The following PHACTR1 variants were observed in gnomAD, a reference collection of about 807,000 sequenced individuals.
PHACTR1 encodes RPEL repeat containing 1.
In PHACTR1, 16 loss-of-function variants were observed where a neutral mutation model predicts 69.2. That is an observed-to-expected ratio of 0.23 (90% CI 0.16 to 0.35). PHACTR1 has a LOEUF of 0.35. Among genes scored for constraint, PHACTR1 ranks in the 10% least tolerant of loss-of-function variants. The probability of loss-of-function intolerance (pLI) is 1.00; values close to 1 mark genes in which losing one functional copy is unlikely to be tolerated. For synonymous variants in PHACTR1, 312 were observed against 284.5 expected (o/e 1.10, Z -0.97); for missense variants, 510 against 734.7 (o/e 0.69, Z 3.54).
At chr6:13,242,922 T>G (rs181982700) in intron 10 of PHACTR1, among the ~76,000 whole-genome samples, 1 of 152,352 alleles carries the variant, frequency 6.6e-6, no homozygotes, top group East Asian at 1.9e-4. Context: ...AAAAGGTAGC[T>G]AGATAATTAT....
At chr6:13,064,478 TA>T (rs1188323952) in intron 5 of PHACTR1, among the ~76,000 whole-genome samples, 1 of 146,516 alleles carries the variant, frequency 6.8e-6, no homozygotes, top group Non-Finnish European at 1.5e-5. Context: ...AAGCAAATGA[TA>T]TAATAAGCAA....
intron 5 of PHACTR1, among the ~76,000 whole-genome samples, chr6:13,076,642 G>A (rs1452863678): frequency 6.6e-6 from 1 of 152,086 alleles, no homozygotes; most frequent in Non-Finnish European, 1.5e-5. Context: ...ACTTGAGTGT[G>A]GCCCAGTTGG....
At chr6:13,142,986 C>G (rs1161480701) in intron 5 of PHACTR1, among the ~76,000 whole-genome samples, 1 of 152,150 alleles carries the variant, frequency 6.6e-6, no homozygotes, top group Non-Finnish European at 1.5e-5. Flanking sequence ...TTTACACAAA[C>G]TGACTCTAGA....
intron 4 of PHACTR1, among the ~76,000 whole-genome samples, chr6:12,885,788 T>C (rs1783575600): frequency 6.6e-6 from 1 of 152,188 alleles, no homozygotes; most frequent in African/African-American, 2.4e-5. Flanking sequence ...GGGAACACAA[T>C]TGTCCATTTA....
intron 5 of PHACTR1, among the ~76,000 whole-genome samples, chr6:13,073,563 C>T (rs1205300506): frequency 2.6e-5 from 4 of 151,520 alleles, no homozygotes; most frequent in Non-Finnish European, 5.9e-5. Flanking sequence ...AGGCTGATCT[C>T]GAACTCCTGA....
At chr6:12,878,233 G>C (rs1005584225) in intron 4 of PHACTR1, among the ~76,000 whole-genome samples, 1 of 152,104 alleles carries the variant, frequency 6.6e-6, no homozygotes, top group Non-Finnish European at 1.5e-5. Context: ...ATGAGTACAA[G>C]GACCCATTTC....
intron 10 of PHACTR1, among the ~76,000 whole-genome samples, chr6:13,258,576 T>C (rs1024929575): frequency 6.6e-6 from 1 of 152,172 alleles, no homozygotes; most frequent in African/African-American, 2.4e-5. Context: ...ATAAGTTCAG[T>C]GTGGTTTTTG....
intron 10 of PHACTR1, among the ~76,000 whole-genome samples, chr6:13,270,991 A>G (rs1777582927): frequency 6.7e-6 from 1 of 149,940 alleles, no homozygotes; most frequent in African/African-American, 2.5e-5. Flanking sequence ...GTGAGCAGGG[A>G]GTTGCCACAT....
rs971270732 is a variant in PHACTR1 at position 12,754,757 on chromosome 6, G to C, written c.250+4967G>C. Among the ~76,000 whole-genome samples, 3 of 152,296 alleles carry C rather than the reference G, an allele frequency of 2.0e-5. No individual in the cohort carries two copies. In the South Asian group the frequency reaches 6.2e-4, roughly 32 times the overall value. ...GGGACATATTTTTAAAAAATGAATG[G>C]CTGCGTCTGTACTGAACATGTAAAG... On this transcript the variant is annotated intron_variant, in intron 4 of 14. Coordinates refer to ENST00000332995, the MANE Select transcript of PHACTR1 (RefSeq NM_030948.6).
chr6:12,762,077 G>A (rs945062213), intron 4 of PHACTR1, among the ~76,000 whole-genome samples: 3 of 152,108 alleles, frequency 2.0e-5, no homozygotes, highest in Non-Finnish European at 2.9e-5. Context: ...GTTTTGGTGC[G>A]GGACCTATAA....
At position 12,942,997 on chromosome 6, in the gene PHACTR1, C is replaced by T. The variant is rs1582617015; in HGVS notation, c.251-110368C>T. On this transcript the variant is annotated intron_variant, in intron 4 of 14. Transcript: ENST00000332995. ...TTAAACATAGAATTACCATATGACCCAGCAATTCCACTCCTAGACAGATAT... is the reference window on the plus strand; with the variant it reads ...TTAAACATAGAATTACCATATGACCTAGCAATTCCACTCCTAGACAGATAT... Among the ~76,000 whole-genome samples the T allele has an allele frequency of 2.0e-5, 3 of 152,276 alleles. No homozygotes were observed. The Middle Eastern group carries it at 0.01, about 518-fold the overall frequency.
intron 12 of PHACTR1, chr6:13,281,070 C>T (rs565204912): frequency 3.2e-5 from 41 of 1,289,636 alleles, no homozygotes; most frequent in South Asian, 2.2e-4. Flanking sequence ...TTTGGAAAGA[C>T]GGTGTCCAAG....
intron 5 of PHACTR1, among the ~76,000 whole-genome samples, chr6:13,155,647 T>C (rs897765119): frequency 1.6e-4 from 24 of 152,158 alleles, no homozygotes; most frequent in Non-Finnish European, 2.8e-4. Context: ...CCTAGCACTT[T>C]GGGAGGCCAA....
At chr6:13,073,751 G>A (rs1003733305) in intron 5 of PHACTR1, among the ~76,000 whole-genome samples, 1 of 152,222 alleles carries the variant, frequency 6.6e-6, no homozygotes, top group African/African-American at 2.4e-5. Flanking sequence ...AAGTGACATA[G>A]ATGGGACCAG....
intron 4 of PHACTR1, chr6:12,957,276 G>T (rs930998638): frequency 1.9e-4 from 64 of 329,182 alleles, no homozygotes; most frequent in African/African-American, 2.2e-4. Context: ...AAAAAAAAAA[G>T]CCCAGGCTGT....
intron 10 of PHACTR1, among the ~76,000 whole-genome samples, chr6:13,241,210 G>C (rs1056768955): frequency 1.3e-5 from 2 of 152,188 alleles, no homozygotes; most frequent in Non-Finnish European, 2.9e-5. Flanking sequence ...GAGGAAAGGA[G>C]ATGTTCTTCT....
chr6:13,042,450 G>C (rs1451813324), intron 4 of PHACTR1, among the ~76,000 whole-genome samples: 1 of 152,162 alleles, frequency 6.6e-6, no homozygotes, highest in Non-Finnish European at 1.5e-5. Flanking sequence ...AATACTGCAG[G>C]CCTCAAAAGA....
intron 6 of PHACTR1, among the ~76,000 whole-genome samples, chr6:13,165,284 A>G (rs1418620494): frequency 6.6e-6 from 1 of 152,258 alleles, no homozygotes; most frequent in Non-Finnish European, 1.5e-5. Context: ...GTGTAAAATA[A>G]TCTATAGTTC....
At chr6:13,104,921 T>G (rs1815840031) in intron 5 of PHACTR1, among the ~76,000 whole-genome samples, 1 of 152,246 alleles carries the variant, frequency 6.6e-6, no homozygotes, top group Non-Finnish European at 1.5e-5. Context: ...GTTTTGTTAC[T>G]AGAATATGAT....
Sources: gnomAD v4.1 joint callset for allele counts (sites outside exome capture counted in the v4.1 genomes callset) on GRCh38, gnomAD v4.1.1 for gene constraint, MANE v1.5 for transcripts, NCBI Gene and HGNC (gene_info 2026-07-23, HGNC 2026-07-21) for gene names.